Variants in CTNNA2 observed in about 807,000 individuals in gnomAD.
The protein encoded by CTNNA2 is catenin alpha-2.
A neutral mutation model predicts 101.0 loss-of-function variants in CTNNA2; 42 were observed. The observed-to-expected ratio is 0.42, with a 90% CI of 0.32 to 0.54. The LOEUF (loss-of-function observed/expected upper bound fraction) is 0.54. Among genes scored for constraint, CTNNA2 ranks in the 20% least tolerant of loss-of-function variants. The pLI, the probability that CTNNA2 is intolerant of heterozygous loss-of-function variation, is 0.14. For synonymous variants in CTNNA2, 450 were observed against 456.4 expected (o/e 0.99, Z 0.18); for missense variants, 871 against 1,223.1 (o/e 0.71, Z 4.29).
chr2:79,785,394 G>A (rs541906235), intron 3 of CTNNA2, among the ~76,000 whole-genome samples: 10 of 152,210 alleles, frequency 6.6e-5, no homozygotes, highest in Admixed American at 6.6e-4. Flanking sequence ...GCTGTCTTGT[G>A]ACCCTAACTT....
intron 7 of CTNNA2, among the ~76,000 whole-genome samples, chr2:79,975,661 G>A (rs1690785367): frequency 6.6e-6 from 1 of 152,174 alleles, no homozygotes; most frequent in Admixed American, 6.5e-5. Flanking sequence ...GGCTCATAGA[G>A]CTTGGAGACA....
At chr2:80,241,538 A>G (rs1276170543) in intron 7 of CTNNA2, among the ~76,000 whole-genome samples, 1 of 152,032 alleles carries the variant, frequency 6.6e-6, no homozygotes, top group Non-Finnish European at 1.5e-5. Flanking sequence ...ATAAAATGCC[A>G]TATATATCTA....
At chr2:80,435,185 C>T (rs1386983998) in intron 9 of CTNNA2, among the ~76,000 whole-genome samples, 1 of 152,164 alleles carries the variant, frequency 6.6e-6, no homozygotes, top group Non-Finnish European at 1.5e-5. Context: ...TTGAGAATCA[C>T]TTCTCTATAA....
intron 4 of CTNNA2, among the ~76,000 whole-genome samples, chr2:79,391,188 G>T (rs1678168086): frequency 6.6e-6 from 1 of 151,988 alleles, no homozygotes; most frequent in African/African-American, 2.4e-5. Context: ...GTTGACCCTT[G>T]AAAAATATGG....
chr2:80,163,279 A>T (rs1358553246), intron 7 of CTNNA2: 2 of 622,636 alleles, frequency 3.2e-6, no homozygotes, highest in Admixed American at 6.4e-5. Flanking sequence ...TGTATCCTTG[A>T]TATAAACTCC....
chr2:79,934,949 C>G (rs1687679222), intron 7 of CTNNA2, among the ~76,000 whole-genome samples: 2 of 152,120 alleles, frequency 1.3e-5, no homozygotes, highest in African/African-American at 4.8e-5. Context: ...AAATAGGGCT[C>G]AATAGTTATT....
At chr2:79,866,568 T>C (rs913600969) in intron 4 of CTNNA2, 1 of 152,230 alleles carries the variant, frequency 6.6e-6, no homozygotes, top group East Asian at 1.9e-4. Context: ...GACACCAGTG[T>C]CCTTCTTAGA....
intron 2 of CTNNA2, among the ~76,000 whole-genome samples, chr2:79,732,839 T>C (rs1416125187): frequency 6.6e-6 from 1 of 152,072 alleles, no homozygotes; most frequent in Non-Finnish European, 1.5e-5. Flanking sequence ...CCTTTCTACC[T>C]GTGGCTTCTT....
chr2:79,988,552 A>G (rs57736681), intron 7 of CTNNA2, among the ~76,000 whole-genome samples: 18,730 of 151,712 alleles, frequency 0.12, 1,281 homozygotes, highest in South Asian at 0.22. Context: ...TGTGCTAAGA[A>G]CTCCACATCT....
chr2:79,731,810 A>C (rs919687778), intron 2 of CTNNA2, among the ~76,000 whole-genome samples: 1 of 140,540 alleles, frequency 7.1e-6, no homozygotes. Flanking sequence ...AAGTGGCAGG[A>C]AAATATTTAT....
At chr2:79,261,017 T>G (rs2104286430) in intron 2 of CTNNA2, among the ~76,000 whole-genome samples, 1 of 152,282 alleles carries the variant, frequency 6.6e-6, no homozygotes, top group South Asian at 2.1e-4. Flanking sequence ...CCTAAGCACA[T>G]GTTGATAGTA....
At chr2:79,306,117 G>A (rs1164243031) in intron 2 of CTNNA2, among the ~76,000 whole-genome samples, 1 of 150,726 alleles carries the variant, frequency 6.6e-6, no homozygotes, top group East Asian at 1.9e-4. Flanking sequence ...ACTATGTTAA[G>A]TCAAACACAT....
At chr2:79,880,046 C>T (rs535777659) in intron 6 of CTNNA2, among the ~76,000 whole-genome samples, 1 of 152,240 alleles carries the variant, frequency 6.6e-6, no homozygotes, top group East Asian at 1.9e-4. Flanking sequence ...TGAATTTTAT[C>T]AAAGGCCTTT....
intron 7 of CTNNA2, among the ~76,000 whole-genome samples, chr2:80,017,341 A>G (rs1285964486): frequency 6.6e-6 from 1 of 152,122 alleles, no homozygotes; most frequent in Admixed American, 6.6e-5. Flanking sequence ...ATAAAAGAGT[A>G]AAAAAACAAA....
At chr2:79,185,679 A>T (rs1482158722) in intron 1 of CTNNA2, among the ~76,000 whole-genome samples, 1 of 152,198 alleles carries the variant, frequency 6.6e-6, no homozygotes, top group Non-Finnish European at 1.5e-5. Context: ...TGCTCCAAAT[A>T]CTAGAGAATG....
chr2:79,754,874 AC>A (rs149767807), intron 3 of CTNNA2, among the ~76,000 whole-genome samples: 3,064 of 152,172 alleles, frequency 0.02, 98 homozygotes, highest in African/African-American at 0.07. Flanking sequence ...GAAGGAGGAT[AC>A]CTTTGGGGAA....
At chr2:79,493,027 C>T (rs751067767) in intron 4 of CTNNA2, among the ~76,000 whole-genome samples, 21 of 152,088 alleles carry the variant, frequency 1.4e-4, no homozygotes, top group Non-Finnish European at 2.5e-4. Flanking sequence ...TTATAAGAAC[C>T]ATCAACAAAC....
intron 12 of CTNNA2, among the ~76,000 whole-genome samples, chr2:80,569,381 A>G (rs1290981422): frequency 6.6e-6 from 1 of 152,180 alleles, no homozygotes; most frequent in African/African-American, 2.4e-5. Flanking sequence ...CCTTTCAGAC[A>G]TAAGCTATTA....
chr2:79,742,734 T>C (rs1339642393), intron 2 of CTNNA2, among the ~76,000 whole-genome samples: 1 of 152,180 alleles, frequency 6.6e-6, no homozygotes, highest in Non-Finnish European at 1.5e-5. Flanking sequence ...ACCACTATTA[T>C]CTGATATTCT....
Sources: allele counts gnomAD v4.1 joint callset (sites outside exome capture counted in the v4.1 genomes callset), GRCh38; gene constraint gnomAD v4.1.1; transcripts MANE v1.5; gene names NCBI Gene and HGNC (gene_info 2026-07-23, HGNC 2026-07-21).